The following ESRRG variants were observed in gnomAD, a reference collection of about 807,000 sequenced individuals.
ESRRG encodes estrogen related receptor gamma.
Under a neutral mutation model 44.0 loss-of-function variants are expected in ESRRG, and 13 were observed. The ratio of observed to expected loss-of-function variants is 0.30; its 90% CI spans 0.19 to 0.47. The LOEUF is 0.47. Among genes scored for constraint, ESRRG ranks in the 20% least tolerant of loss-of-function variants. ESRRG has a pLI of 1.00. For missense variants in ESRRG, 395 were observed against 580.6 expected (o/e 0.68, Z 3.29); for synonymous variants, 215 against 214.6 (o/e 1.00, Z -0.02).
chr1:216,743,870 G>A (rs1262447054), intron 2 of ESRRG, among the ~76,000 whole-genome samples: 3 of 152,144 alleles, frequency 2.0e-5, no homozygotes, highest in African/African-American at 7.2e-5. Context: ...CTGAGACTTC[G>A]TAACTTACTA....
At chr1:216,852,278 TCA>T (rs1210843533) in intron 2 of ESRRG, among the ~76,000 whole-genome samples, 5,095 of 152,244 alleles carry the variant, frequency 0.033, 298 homozygotes, top group African/African-American at 0.11. Flanking sequence ...TTCTTGGCAC[TCA>T]GTTACAATGA....
intron 2 of ESRRG, among the ~76,000 whole-genome samples, chr1:216,898,280 A>G (rs1200459426): frequency 2.6e-5 from 4 of 152,132 alleles, no homozygotes; most frequent in Non-Finnish European, 5.9e-5. Flanking sequence ...GGAAGGTGGG[A>G]CTCATTTCAT....
At chr1:216,607,819 G>A (rs1315885686) in intron 3 of ESRRG, among the ~76,000 whole-genome samples, 1 of 152,056 alleles carries the variant, frequency 6.6e-6, no homozygotes, top group Non-Finnish European at 1.5e-5. Context: ...TCTTTGCGTG[G>A]CTTTTTTAAA....
At chr1:216,872,432 T>C (rs2096271728) in intron 2 of ESRRG, among the ~76,000 whole-genome samples, 1 of 152,166 alleles carries the variant, frequency 6.6e-6, no homozygotes, top group African/African-American at 2.4e-5. Context: ...ACGATGCAAA[T>C]GTTAAACCTT....
At chr1:216,996,573 A>G (rs559910074) in intron 1 of ESRRG, among the ~76,000 whole-genome samples, 1 of 152,288 alleles carries the variant, frequency 6.6e-6, no homozygotes, top group East Asian at 1.9e-4. Flanking sequence ...TAAAGGTGAG[A>G]AAGAGTCAAG....
intron 1 of ESRRG, among the ~76,000 whole-genome samples, chr1:217,038,788 T>C (rs1579915378): frequency 6.6e-6 from 1 of 152,232 alleles, no homozygotes; most frequent in East Asian, 1.9e-4. Flanking sequence ...CTTATGCAAA[T>C]TTCTACAGCT....
intron 4 of ESRRG, among the ~76,000 whole-genome samples, chr1:216,566,196 C>A (rs1413291122): frequency 6.6e-6 from 1 of 152,122 alleles, no homozygotes; most frequent in Non-Finnish European, 1.5e-5. Flanking sequence ...CTTTGTAGTA[C>A]ACAATCAGTC....
At chr1:216,843,022 A>C (rs2095677435) in intron 2 of ESRRG, among the ~76,000 whole-genome samples, 7 of 152,138 alleles carry the variant, frequency 4.6e-5, no homozygotes, top group Admixed American at 4.6e-4. Flanking sequence ...TTTTTGCCTT[A>C]AAGAGACTAA....
At chr1:216,624,630 C>T (rs1034581864) in intron 3 of ESRRG, among the ~76,000 whole-genome samples, 1 of 152,158 alleles carries the variant, frequency 6.6e-6, no homozygotes, top group East Asian at 1.9e-4. Flanking sequence ...TTAGGCTATT[C>T]GTGAGCTAAT....
chr1:217,098,774 A>T (rs1181646123), intron 1 of ESRRG, among the ~76,000 whole-genome samples: 2 of 152,178 alleles, frequency 1.3e-5, no homozygotes, highest in Non-Finnish European at 2.9e-5. Flanking sequence ...TTCCAAAGCG[A>T]TTGAACAGTG....
At chr1:217,024,874 T>A (rs1283348822) in intron 1 of ESRRG, among the ~76,000 whole-genome samples, 1 of 152,182 alleles carries the variant, frequency 6.6e-6, no homozygotes, top group Non-Finnish European at 1.5e-5. Context: ...AGAGATTAGG[T>A]GACTTGCTCC....
intron 1 of ESRRG, among the ~76,000 whole-genome samples, chr1:216,948,101 C>A (rs1229381377): frequency 6.6e-6 from 1 of 152,112 alleles, no homozygotes; most frequent in East Asian, 1.9e-4. Context: ...GAAAAATTAA[C>A]TTTTATTATG....
chr1:216,942,686 T>A (rs995925071), intron 1 of ESRRG, among the ~76,000 whole-genome samples: 2 of 152,210 alleles, frequency 1.3e-5, no homozygotes, highest in Admixed American at 6.6e-5. Flanking sequence ...TTTTTTCATA[T>A]GTTTGTTGGT....
chr1:216,540,930 T>A (rs2052516268), intron 5 of ESRRG, among the ~76,000 whole-genome samples: 2 of 151,916 alleles, frequency 1.3e-5, no homozygotes, highest in Non-Finnish European at 2.9e-5. Flanking sequence ...AAACAGGCAG[T>A]TTTTCAAGAT....
chr1:216,983,092 A>G (rs185958450), intron 1 of ESRRG, among the ~76,000 whole-genome samples: 13 of 149,372 alleles, frequency 8.7e-5, no homozygotes, highest in Non-Finnish European at 1.6e-4. Flanking sequence ...TAAAGTGGGA[A>G]TGCTACTACA....
Position 216,713,564 on chromosome 1 carries a change from G to T in ESRRG, c.56+9680C>A, listed in dbSNP as rs183644768. On this transcript the variant is annotated intron_variant, in intron 1 of 6. Coordinates refer to ENST00000408911, the MANE Select transcript of ESRRG (RefSeq NM_001438.4). ...AACTGCATCTTCTAACATCAGAAATGATGTTTAATAGAATTGGAGTGGAGA... is the reference window on the plus strand; with the variant it reads ...AACTGCATCTTCTAACATCAGAAATTATGTTTAATAGAATTGGAGTGGAGA... Among the ~76,000 whole-genome samples, 64 of 152,250 alleles carry T rather than the reference G, an allele frequency of 4.2e-4. 1 individual carries two copies. The highest frequency in any genetic ancestry group is 3.9e-3 in the Admixed American group (59 of 15,292).
intron 1 of ESRRG, among the ~76,000 whole-genome samples, chr1:217,015,192 T>C (rs1323046615): frequency 1.3e-5 from 2 of 152,170 alleles, no homozygotes; most frequent in Non-Finnish European, 2.9e-5. Flanking sequence ...TTTCTGAAAA[T>C]AGTGCAGGGG....
chr1:216,996,132 A>G (rs2076347618), intron 1 of ESRRG, among the ~76,000 whole-genome samples: 1 of 152,230 alleles, frequency 6.6e-6, no homozygotes, highest in South Asian at 2.1e-4. Flanking sequence ...TGATTGCTAT[A>G]AACAAATCTG....
At chr1:216,853,278 A>T (rs1005905112) in intron 2 of ESRRG, among the ~76,000 whole-genome samples, 2 of 152,174 alleles carry the variant, frequency 1.3e-5, no homozygotes, top group African/African-American at 4.8e-5. Flanking sequence ...TTCAGAGTAG[A>T]TCCTATGCCT....
Sources: gnomAD v4.1 joint callset for allele counts (sites outside exome capture counted in the v4.1 genomes callset) on GRCh38, gnomAD v4.1.1 for gene constraint, MANE v1.5 for transcripts, NCBI Gene and HGNC (gene_info 2026-07-23, HGNC 2026-07-21) for gene names.